Variants in ESRRG observed in about 807,000 individuals in gnomAD.
ESRRG encodes estrogen related receptor gamma, also known as estrogen-related receptor gamma.
ESRRG carries 13 observed loss-of-function variants against 44.0 expected under a neutral mutation model. The ratio of observed to expected loss-of-function variants is 0.30; its 90% CI spans 0.19 to 0.47. The LOEUF (loss-of-function observed/expected upper bound fraction) is 0.47, where lower values mean the gene tolerates loss of function less well. ESRRG is among the 20% of genes least tolerant of loss of function. ESRRG has a pLI of 1.00. For synonymous variants in ESRRG, 215 were observed against 214.6 expected (o/e 1.00, Z -0.02); for missense variants, 395 against 580.6 (o/e 0.68, Z 3.29).
chr1:216,732,130 A>G (rs1368691469), intron 2 of ESRRG, among the ~76,000 whole-genome samples: 1 of 146,778 alleles, frequency 6.8e-6, no homozygotes, highest in Non-Finnish European at 1.5e-5. Context: ...AAATAAAAAA[A>G]AGAAAGGTTT....
chr1:216,844,953 C>T (rs2095717332), intron 2 of ESRRG, among the ~76,000 whole-genome samples: 1 of 152,146 alleles, frequency 6.6e-6, no homozygotes, highest in Non-Finnish European at 1.5e-5. Context: ...TGAGTTTTTG[C>T]ATGGCTAATT....
chr1:217,042,669 T>C (rs12131982), intron 1 of ESRRG, among the ~76,000 whole-genome samples: 2 of 151,998 alleles, frequency 1.3e-5, no homozygotes, highest in Non-Finnish European at 2.9e-5. Flanking sequence ...ACAAGGAACT[T>C]TGAAGATGTT....
At chr1:216,660,129 C>G (rs1187861569) in intron 2 of ESRRG, among the ~76,000 whole-genome samples, 1 of 152,006 alleles carries the variant, frequency 6.6e-6, no homozygotes, top group African/African-American at 2.4e-5. Context: ...TTGCTTCAGC[C>G]CCCTTGTTTT....
rs531114282 is a variant in ESRRG at position 216,773,732 on chromosome 1, T to A, written c.-13-96241A>T. On this transcript the variant is annotated intron_variant, in intron 2 of 7. Transcript: ENST00000359162. Reference sequence around the variant, plus strand: ...GATCTTTTGAGAAAGCAGCTGCAGATCAGCTTGTTTTGAGGCTACAACAGA... The same window carrying A: ...GATCTTTTGAGAAAGCAGCTGCAGAACAGCTTGTTTTGAGGCTACAACAGA... 1.2e-3 allele frequency among the ~76,000 whole-genome samples: 177 copies of A among 152,154 alleles called. 1 individual carries two copies. The highest frequency in any genetic ancestry group is 3.4e-3 in the African/African-American group (143 of 41,520).
intron 1 of ESRRG, chr1:216,959,764 C>G (rs2068671100): frequency 6.6e-6 from 1 of 151,994 alleles, no homozygotes. Flanking sequence ...ATCAAATAGA[C>G]TTCATAGAAC....
Position 216,528,594 on chromosome 1 carries a change from T to C in ESRRG, c.863-9173A>G, listed in dbSNP as rs1338159818. 5.4e-4 allele frequency among the ~76,000 whole-genome samples: 82 copies of C among 152,298 alleles called. 2 individuals are homozygous for C. The highest frequency in any genetic ancestry group is 1.5e-5 in the Non-Finnish European group (1 of 68,018). On this transcript the variant is annotated intron_variant, in intron 5 of 6. Transcript: ENST00000408911. ...AGTCATGGATGAAAACAATGCTCAT[T>C]GCTTCTTTCTACTTGCAGGAATAAA... is the stretch of plus-strand genomic sequence containing the variant.
chr1:216,788,641 T>A (rs2094210257), intron 2 of ESRRG, among the ~76,000 whole-genome samples: 1 of 152,124 alleles, frequency 6.6e-6, no homozygotes, highest in Non-Finnish European at 1.5e-5. Context: ...TAATTTCAAC[T>A]TTCAGGTCAT....
chr1:216,926,571 A>G (rs977859189), intron 2 of ESRRG, among the ~76,000 whole-genome samples: 1 of 152,238 alleles, frequency 6.6e-6, no homozygotes, highest in Non-Finnish European at 1.5e-5. Context: ...TTATTTTTCA[A>G]TGAAAAATAA....
chr1:216,869,363 T>A (rs1577437931), intron 2 of ESRRG, among the ~76,000 whole-genome samples: 1 of 152,240 alleles, frequency 6.6e-6, no homozygotes, highest in East Asian at 1.9e-4. Context: ...AAATAATTGG[T>A]CATATTTATG....
chr1:216,719,478 T>A (rs993566116), intron 1 of ESRRG, among the ~76,000 whole-genome samples: 1 of 151,912 alleles, frequency 6.6e-6, no homozygotes, highest in Admixed American at 6.6e-5. Context: ...AAATTTAGAG[T>A]TAAAGCTGAT....
chr1:216,572,717 G>A (rs1337793903), intron 3 of ESRRG, among the ~76,000 whole-genome samples: 2 of 151,906 alleles, frequency 1.3e-5, no homozygotes, highest in Non-Finnish European at 2.9e-5. Flanking sequence ...CTGCATAATT[G>A]GGATACTACA....
At chr1:216,845,574 G>A (rs925941355) in intron 2 of ESRRG, among the ~76,000 whole-genome samples, 1 of 152,102 alleles carries the variant, frequency 6.6e-6, no homozygotes, top group East Asian at 1.9e-4. Context: ...CATCTCTCCT[G>A]TTCTGTGCCC....
intron 1 of ESRRG, among the ~76,000 whole-genome samples, chr1:216,986,808 C>G (rs909002417): frequency 6.6e-5 from 10 of 152,126 alleles, no homozygotes; most frequent in African/African-American, 1.7e-4. Context: ...TTCTAAATCT[C>G]CCAGCTCATA....
intron 2 of ESRRG, among the ~76,000 whole-genome samples, chr1:216,903,008 T>A (rs554752540): frequency 2.6e-5 from 4 of 152,312 alleles, no homozygotes; most frequent in African/African-American, 4.8e-5. Context: ...AAAAGCACAG[T>A]CCTGGGGTTA....
chr1:217,111,739 C>T (rs1421995203), intron 1 of ESRRG, among the ~76,000 whole-genome samples: 3 of 152,120 alleles, frequency 2.0e-5, no homozygotes, highest in Non-Finnish European at 1.5e-5. Flanking sequence ...CAATATCTCC[C>T]TGGGAGAGTG....
intron 1 of ESRRG, among the ~76,000 whole-genome samples, chr1:216,996,528 G>T (rs1028541245): frequency 1.3e-5 from 2 of 152,068 alleles, no homozygotes; most frequent in African/African-American, 4.8e-5. Context: ...TATTTTGAAA[G>T]TTAAATAAGT....
chr1:217,018,855 G>C (rs1222405400), intron 1 of ESRRG, among the ~76,000 whole-genome samples: 2 of 152,052 alleles, frequency 1.3e-5, no homozygotes, highest in African/African-American at 2.4e-5. Flanking sequence ...TTGCCACGTG[G>C]ACCGCATTAT....
In ESRRG at chr1:216,779,518, A is replaced by T. The variant is rs376660638; in HGVS notation, c.-13-102027T>A. 1.3e-3 allele frequency among the ~76,000 whole-genome samples: 43 copies of T among 33,598 alleles called. 3 individuals are homozygous for T. The highest frequency in any genetic ancestry group is 5.3e-3 in the African/African-American group (30 of 5,684). The allele number at this position is 33,598 out of a possible 152,430, so 22.0% of individuals were successfully genotyped here. A position where few individuals can be genotyped will look rare whatever the true frequency, so the allele number is the denominator to read the frequency against. Reference sequence around the variant, plus strand: ...TTTATATATAAATATATATTTATAAATATAAATATAAATATTTATATTTAT... The same window carrying T: ...TTTATATATAAATATATATTTATAATTATAAATATAAATATTTATATTTAT... On this transcript the variant is annotated intron_variant, in intron 2 of 7. Transcript: ENST00000359162.
intron 1 of ESRRG, among the ~76,000 whole-genome samples, chr1:217,106,689 C>T (rs115973160): frequency 8.9e-4 from 135 of 152,238 alleles, no homozygotes; most frequent in African/African-American, 3.1e-3. Context: ...TCTGCTGACA[C>T]GGGGATCCTT....
Sources: gnomAD v4.1 joint callset for allele counts (sites outside exome capture counted in the v4.1 genomes callset) on GRCh38, gnomAD v4.1.1 for gene constraint, MANE v1.5 for transcripts, NCBI Gene and HGNC (gene_info 2026-07-23, HGNC 2026-07-21) for gene names.